SPTA1: variants seen among roughly 807,000 people sequenced by gnomAD.
The protein encoded by SPTA1 is spectrin alpha, erythrocytic 1, also known as spectrin alpha chain, erythrocytic 1.
Under a neutral mutation model 324.7 loss-of-function variants are expected in SPTA1, and 177 were observed. The ratio of observed to expected loss-of-function variants is 0.55; its 90% CI spans 0.48 to 0.62. SPTA1 has a LOEUF of 0.62. SPTA1 is among the 20% of genes least tolerant of loss of function. The probability of loss-of-function intolerance (pLI) is 0.00; values close to 1 mark genes in which losing one functional copy is unlikely to be tolerated. For missense variants in SPTA1, 3,162 were observed against 2,883.6 expected (o/e 1.10, Z -2.21); for synonymous variants, 1,195 against 1,041.3 (o/e 1.15, Z -2.84).
At chr1:158,681,727 G>C (rs1422657645) in intron 3 of SPTA1, 60 bp from the exon 4 acceptor site, 16 of 1,609,762 alleles carry the variant, frequency 9.9e-6, no homozygotes, top group Non-Finnish European at 1.3e-5. Context: ...GAAACACTCA[G>C]AGACTTGTGC....
chr1:158,663,199 A>G (rs546835948), intron 16 of SPTA1, among the ~76,000 whole-genome samples: 1 of 152,350 alleles, frequency 6.6e-6, no homozygotes, highest in African/African-American at 2.4e-5. Flanking sequence ...AGAATGCTTC[A>G]AGGAAATCAG....
Position 158,626,824 on chromosome 1 carries a change from C to G in SPTA1, c.5833+15G>C. 1.2e-6 allele frequency: 2 copies of G among 1,613,442 alleles called. No individual in the cohort carries two copies. Among genetic ancestry groups the G allele is most frequent in the Non-Finnish European group, 1.7e-6 (2 of 1,179,514 alleles). On this transcript the variant is annotated intron_variant, in intron 41 of 51. Transcript: ENST00000643759. Reference sequence around the variant, plus strand: ...TTTCTCAAACCCAAGGGACCCTGAACCTGACACATCATACCTATCCAAGCC... The same window carrying G: ...TTTCTCAAACCCAAGGGACCCTGAAGCTGACACATCATACCTATCCAAGCC...
intron 39 of SPTA1, among the ~76,000 whole-genome samples, chr1:158,633,152 T>C (rs1468334214): frequency 6.6e-6 from 1 of 152,190 alleles, no homozygotes; most frequent in African/African-American, 2.4e-5. Context: ...GATTAGTGGT[T>C]GCCACAGTTT....
chr1:158,631,971 A>G (rs948836818), intron 39 of SPTA1, among the ~76,000 whole-genome samples: 3 of 152,212 alleles, frequency 2.0e-5, no homozygotes, highest in Non-Finnish European at 2.9e-5. Context: ...GGAAATAATG[A>G]TTTCAATAAG....
At position 158,647,903 on chromosome 1, in the gene SPTA1, T is replaced by C. The variant is rs1476022724; in HGVS notation, c.3715-183A>G. Among the ~76,000 whole-genome samples the C allele has an allele frequency of 6.6e-5, 10 of 152,274 alleles. No homozygotes were observed. In the South Asian group the frequency reaches 1.5e-3, roughly 22 times the overall value. The stretch of plus-strand genomic sequence containing the variant: ...ACATAACTCCCTAAGGTAGTTACAA[T>C]TGGCATTACCATACTTCTTTTTAAA... On this transcript the variant is annotated intron_variant, in intron 26 of 51. Coordinates refer to ENST00000643759, the MANE Select transcript of SPTA1 (RefSeq NM_003126.4).
At chr1:158,683,264 G>C (rs904396965) in intron 3 of SPTA1, 107 bp downstream of exon 3, 37 of 1,522,916 alleles carry the variant, frequency 2.4e-5, no homozygotes, top group Non-Finnish European at 2.9e-5. Context: ...AGAGGCAGGA[G>C]TCCTGGGTAT....
chr1:158,642,993 A>G lies in SPTA1; in HGVS notation c.4443-17T>C, dbSNP rs1651726422. On this transcript the variant is annotated splice_polypyrimidine_tract_variant and intron_variant, in intron 31 of 51. Coordinates refer to ENST00000643759, the MANE Select transcript of SPTA1 (RefSeq NM_003126.4). ...GCCTTCCACCTAGAGGACGGAGCCA[A>G]ATCACTCTATGCCCTCCTCCACCCT... 2.5e-6 allele frequency: 4 copies of G among 1,613,224 alleles called. No individual in the cohort carries two copies. The highest frequency in any genetic ancestry group is 2.5e-6 in the Non-Finnish European group (3 of 1,179,624).
chr1:158,653,897 G>T (rs1363576531), intron 21 of SPTA1, among the ~76,000 whole-genome samples: 1 of 152,026 alleles, frequency 6.6e-6, no homozygotes, highest in Non-Finnish European at 1.5e-5. Context: ...TTTTTGAACT[G>T]TTGCCACATC....
chr1:158,674,512 C>A, intron 9 of SPTA1, 28 bp downstream of exon 9: 1 of 1,614,100 alleles, frequency 6.2e-7, no homozygotes, highest in Non-Finnish European at 8.5e-7. Flanking sequence ...CTGCCCCCTC[C>A]TCCTACTGGG....
At position 158,645,249 on chromosome 1, in the gene SPTA1, T is replaced by C. The variant is rs1571436732; in HGVS notation, c.4133A>G (p.Asp1378Gly). 2 of 1,614,004 alleles carry C rather than the reference T, an allele frequency of 1.2e-6. No homozygotes were observed. The highest frequency in any genetic ancestry group is 1.1e-5 in the South Asian group (1 of 91,080). The part of the protein sequence containing the change: ...KKLQAVKLER[D>G]DLEKAWEKRK... ...TTTTTCCCAAGCCTTCTCCAAATCA[T>C]CTCTCTCTAGCTTGACAGCTTGAAG... Residue 1378 changes from aspartate to glycine, a missense_variant, in exon 29 of 52, where the codon GAT becomes GGT. By Grantham distance (94) the Asp-to-Gly change is moderately conservative (BLOSUM62 -1). Transcript: ENST00000643759.
intron 20 of SPTA1, among the ~76,000 whole-genome samples, chr1:158,656,328 A>G (rs575367457): frequency 1.3e-5 from 2 of 152,326 alleles, no homozygotes; most frequent in African/African-American, 4.8e-5. Context: ...GGAAAGAGGA[A>G]AGCCAAAAAT....
At chr1:158,642,567 T>C in intron 32 of SPTA1, 25 bp from the exon 33 acceptor site, 1 of 1,612,746 alleles carries the variant, frequency 6.2e-7, no homozygotes, top group Non-Finnish European at 8.5e-7. Context: ...AAACAGAAAT[T>C]ATATTATCTT....
chr1:158,626,417 G>A (rs1301968187), intron 41 of SPTA1, among the ~76,000 whole-genome samples, 195 bp from the exon 42 acceptor site: 1 of 152,030 alleles, frequency 6.6e-6, no homozygotes, highest in Non-Finnish European at 1.5e-5. Flanking sequence ...ACGAAACAGA[G>A]CTAGGGTCTT....
intron 42 of SPTA1, among the ~76,000 whole-genome samples, chr1:158,624,698 A>T (rs1650155496): frequency 6.6e-6 from 1 of 152,232 alleles, no homozygotes. Context: ...TAATAAGGAA[A>T]CTGCAGAAAA....
intron 9 of SPTA1, 32 bp downstream of exon 9, chr1:158,674,508 C>T: frequency 1.2e-6 from 2 of 1,614,070 alleles, no homozygotes; most frequent in Non-Finnish European, 1.7e-6. Flanking sequence ...TAACCTGCCC[C>T]CTCCTCCTAC....
chr1:158,653,125 A>T, intron 22 of SPTA1, 149 bp downstream of exon 22: 1 of 1,306,270 alleles, frequency 7.7e-7, no homozygotes, highest in Non-Finnish European at 1.1e-6. Flanking sequence ...CGAAACATTT[A>T]AAAGATTCTA....
rs766863227 is a variant in SPTA1 at position 158,642,451 on chromosome 1, A to G, written c.4697T>C (p.Ile1566Thr). Reference protein sequence around the residue: ...HGVINLGNSLIECSACDGNEE... With the variant: ...HGVINLGNSLTECSACDGNEE... ...ATTGCCATCACAAGCGCTACACTCA[A>G]TCAGGGAGTTCCCCAGGTTGATGAC... The change falls in exon 33 of 52, where the codon ATT (isoleucine) becomes ACT (threonine). Residue 1566 changes from isoleucine (I) to threonine (T), a missense_variant. Coordinates refer to ENST00000643759, the MANE Select transcript of SPTA1 (RefSeq NM_003126.4). The G allele has an allele frequency of 4.3e-6, 7 of 1,613,668 alleles. No individual in the cohort carries two copies. The highest frequency in any genetic ancestry group is 1.7e-5 in the Admixed American group (1 of 59,960).
At chr1:158,619,567 C>G (rs1649779213) in intron 44 of SPTA1, among the ~76,000 whole-genome samples, 1 of 152,098 alleles carries the variant, frequency 6.6e-6, no homozygotes, top group South Asian at 2.1e-4. Flanking sequence ...AGACCAAGTC[C>G]CGTAACAAGT....
At chr1:158,614,494 G>A (rs901750974) in intron 48 of SPTA1, 188 bp from the exon 49 acceptor site, 3 of 535,904 alleles carry the variant, frequency 5.6e-6, no homozygotes, top group African/African-American at 3.8e-5. Context: ...CAGTCCATGA[G>A]CCAAGAGTAG....
Sources: allele counts gnomAD v4.1 joint callset (sites outside exome capture counted in the v4.1 genomes callset), GRCh38; gene constraint gnomAD v4.1.1; transcripts MANE v1.5; gene names NCBI Gene and HGNC (gene_info 2026-07-23, HGNC 2026-07-21).